Variants in ROBO2 observed in about 807,000 individuals in gnomAD.
ROBO2 encodes the protein roundabout homolog 2.
Under a neutral mutation model 160.8 loss-of-function variants are expected in ROBO2, and 53 were observed. The ratio of observed to expected loss-of-function variants is 0.33; its 90% confidence interval spans 0.26 to 0.41. The LOEUF is 0.41. ROBO2 is among the 10% of genes least tolerant of loss of function. The pLI, the probability that ROBO2 is intolerant of heterozygous loss-of-function variation, is 1.00. For missense variants in ROBO2, 1,577 were observed against 1,722.4 expected, an observed-to-expected ratio of 0.92 and a Z score of 1.49; for synonymous variants, 664 against 611.7, an observed-to-expected ratio of 1.09 and a Z score of -1.26.
chr3:77,575,501 G>T (rs1487729039), intron 14 of ROBO2, among the ~76,000 whole-genome samples: 1 of 151,840 alleles, frequency 6.6e-6, no homozygotes, highest in Non-Finnish European at 1.5e-5. Context: ...ATGTATATAG[G>T]TTGCCCACGT....
intron 2 of ROBO2, among the ~76,000 whole-genome samples, chr3:76,735,887 G>A (rs1488701708): frequency 6.6e-6 from 1 of 151,506 alleles, no homozygotes; most frequent in African/African-American, 2.4e-5. Context: ...TCAGCATCAT[G>A]CAATATACCC....
intron 2 of ROBO2, among the ~76,000 whole-genome samples, chr3:76,458,051 G>A (rs1405953246): frequency 6.6e-6 from 1 of 152,150 alleles, no homozygotes; most frequent in Non-Finnish European, 1.5e-5. Context: ...TTTCACCATG[G>A]TCTTGAGGAT....
intron 2 of ROBO2, among the ~76,000 whole-genome samples, chr3:77,174,069 A>C (rs1470939529): frequency 6.6e-6 from 1 of 152,076 alleles, no homozygotes; most frequent in Non-Finnish European, 1.5e-5. Flanking sequence ...TTGCTTTCCT[A>C]GTTCTTCATT....
chr3:76,777,257 A>C lies in ROBO2; in HGVS notation c.110-320757A>C, dbSNP rs1006738821. Among the ~76,000 whole-genome samples, 67 of 151,120 alleles carry C rather than the reference A, an allele frequency of 4.4e-4. 1 individual carries two copies. Among genetic ancestry groups the C allele is most frequent in the Non-Finnish European group, 1.5e-4 (10 of 67,400 alleles). ...AACAAAAGACATGGGTTGATTGCAC[A>C]AAGGAGTTGAACACTCTTTTCACAT... On this transcript the variant is annotated intron_variant, in intron 2 of 26. Transcript: ENST00000487694.
At position 76,119,397 on chromosome 3, in the gene ROBO2, T is replaced by C. The variant is rs540102844; in HGVS notation, c.109+181795T>C. ...CACTTAGTTAACAAAAAACTCTTGA[T>C]TTTATGGCCAGAATACCAGTGAGAT... On this transcript the variant is annotated intron_variant, in intron 2 of 26. Coordinates refer to the ROBO2 transcript ENST00000487694. Among the ~76,000 whole-genome samples the C allele has an allele frequency of 5.0e-4, 76 of 152,212 alleles. 1 individual carries two copies. Among genetic ancestry groups the C allele is most frequent in the Admixed American group, 3.9e-3 (59 of 15,282 alleles).
chr3:77,205,133 G>C (rs2083296335), intron 2 of ROBO2, among the ~76,000 whole-genome samples: 1 of 152,186 alleles, frequency 6.6e-6, no homozygotes, highest in African/African-American at 2.4e-5. Flanking sequence ...AACCAGCTCA[G>C]TGGAACCATT....
intron 2 of ROBO2, among the ~76,000 whole-genome samples, chr3:77,363,078 A>G (rs2070288737): frequency 6.6e-6 from 1 of 152,158 alleles, no homozygotes; most frequent in Non-Finnish European, 1.5e-5. Flanking sequence ...TAGATGAGGC[A>G]TCAAGAACAA....
chr3:77,098,435 C>G (rs1259196546), intron 2 of ROBO2, 95 bp downstream of exon 2: 1 of 1,222,530 alleles, frequency 8.2e-7, no homozygotes, highest in African/African-American at 1.5e-5. Context: ...CCTAAAGAAT[C>G]AATCAACACA....
At chr3:76,356,548 T>C (rs1295029859) in intron 2 of ROBO2, among the ~76,000 whole-genome samples, 4 of 151,612 alleles carry the variant, frequency 2.6e-5, no homozygotes, top group African/African-American at 7.3e-5. Context: ...TATTACCAGA[T>C]TGAGACTTAA....
intron 2 of ROBO2, among the ~76,000 whole-genome samples, chr3:76,609,401 G>T (rs1306115226): frequency 6.6e-6 from 1 of 151,826 alleles, no homozygotes; most frequent in East Asian, 1.9e-4. Context: ...TCTTTCATCA[G>T]TGTTTTATAA....
At chr3:77,341,952 AG>A (rs2067109754) in intron 2 of ROBO2, among the ~76,000 whole-genome samples, 1 of 152,172 alleles carries the variant, frequency 6.6e-6, no homozygotes, top group African/African-American at 2.4e-5. Context: ...GAACAAAGAA[AG>A]CATATTCTTG....
intron 2 of ROBO2, among the ~76,000 whole-genome samples, chr3:76,684,404 C>T (rs891850851): frequency 5.9e-5 from 9 of 151,928 alleles, no homozygotes; most frequent in Admixed American, 6.6e-5. Flanking sequence ...TCCATGTATA[C>T]GGTGAGTTAA....
At chr3:77,422,814 G>A (rs2077832359) in intron 2 of ROBO2, among the ~76,000 whole-genome samples, 1 of 152,034 alleles carries the variant, frequency 6.6e-6, no homozygotes. Context: ...AAGCGTAGAA[G>A]GCATAGAAAA....
chr3:77,430,315 C>T (rs982471852), intron 2 of ROBO2, among the ~76,000 whole-genome samples: 4 of 151,944 alleles, frequency 2.6e-5, no homozygotes, highest in African/African-American at 4.8e-5. Flanking sequence ...ACTTTGGCAT[C>T]CTTTGAAGTT....
intron 6 of ROBO2, among the ~76,000 whole-genome samples, chr3:77,531,509 G>A (rs2091725899): frequency 6.8e-6 from 1 of 146,682 alleles, no homozygotes; most frequent in Middle Eastern, 3.5e-3. Context: ...ATGTTTGAAA[G>A]CAGTCTATTC....
chr3:76,834,004 T>TC lies in ROBO2; in HGVS notation c.110-264009dup, dbSNP rs1361613562. 8.3e-4 allele frequency among the ~76,000 whole-genome samples: 112 copies of TC among 134,142 alleles called. 1 individual carries two copies. The Middle Eastern group carries it at 0.011, about 13-fold the overall frequency. The allele number at this position is 134,142 out of a possible 152,430, so 88.0% of individuals were successfully genotyped here. ...TTCTTTCTTTCTTTCTTTCCTTCTT[T>TC]CTTTCTTTCCTTTCTTTCTTTTCTT... On this transcript the variant is annotated intron_variant, in intron 2 of 26. Transcript: ENST00000487694.
intron 2 of ROBO2, among the ~76,000 whole-genome samples, chr3:76,026,719 A>G (rs1036921853): frequency 6.6e-6 from 1 of 151,950 alleles, no homozygotes; most frequent in African/African-American, 2.4e-5. Context: ...TTTTGGTTTA[A>G]CTTATTTTAT....
rs745543831 is a variant in ROBO2 at position 76,503,010 on chromosome 3, GTGTGTGTGTGCGCGCGCACGCA to G, written c.109+565420_109+565441del. The stretch of plus-strand genomic sequence containing the variant: ...AGGATATATATATATATGTGTGTGT[GTGTGTGTGTGCGCGCGCACGCA>G]TGTGTGTGTGCAAAGGGGAGTTATT... On this transcript the variant is annotated intron_variant, in intron 2 of 26. Transcript: ENST00000487694. 6.0e-5 allele frequency among the ~76,000 whole-genome samples: 9 copies of G among 150,288 alleles called. No individual in the cohort carries two copies. The East Asian group carries it at 1.4e-3, about 23-fold the overall frequency.
chr3:76,581,475 C>A (rs4856043), intron 2 of ROBO2, among the ~76,000 whole-genome samples: 151,480 of 151,992 alleles, frequency 1, 75,486 homozygotes, highest in East Asian at 1. Flanking sequence ...TGTCTCTAAA[C>A]AAAAATAAAA....
Sources: gnomAD v4.1 joint callset for allele counts (sites outside exome capture counted in the v4.1 genomes callset) on GRCh38, gnomAD v4.1.1 for gene constraint, MANE v1.5 for transcripts, NCBI Gene and HGNC (gene_info 2026-07-23, HGNC 2026-07-21) for gene names.